NTM: variants seen among roughly 807,000 people sequenced by gnomAD.
NTM encodes the protein neurotrimin.
NTM carries 13 observed loss-of-function variants against 42.1 expected under a neutral mutation model. The ratio of observed to expected loss-of-function variants is 0.31; its 90% confidence interval spans 0.20 to 0.49. The LOEUF (loss-of-function observed/expected upper bound fraction) is 0.49. Among genes scored for constraint, NTM ranks in the 20% least tolerant of loss-of-function variants. NTM has a pLI of 0.99. For synonymous variants in NTM, 187 were observed against 179.2 expected (o/e 1.04, Z -0.35); for missense variants, 373 against 452.8 (o/e 0.82, Z 1.60).
At chr11:131,454,944 A>G (rs76921971) in intron 1 of NTM, among the ~76,000 whole-genome samples, 4,925 of 152,020 alleles carry the variant, frequency 0.032, 104 homozygotes, top group Non-Finnish European at 0.045. Context: ...CAGAGGAGAA[A>G]GGGGTTCTAT....
chr11:131,544,226 TAAA>T (rs2053635423), intron 1 of NTM, among the ~76,000 whole-genome samples: 1 of 152,184 alleles, frequency 6.6e-6, no homozygotes, highest in African/African-American at 2.4e-5. Flanking sequence ...TTTTCTTATT[TAAA>T]AAATATTTTT....
intron 1 of NTM, among the ~76,000 whole-genome samples, chr11:131,904,628 G>A (rs1177452456): frequency 2.0e-5 from 3 of 152,216 alleles, no homozygotes; most frequent in Non-Finnish European, 2.9e-5. Context: ...GCACCTTGGA[G>A]CAATGAAGGG....
intron 2 of NTM, among the ~76,000 whole-genome samples, chr11:131,972,103 C>T (rs2063645552): frequency 6.8e-6 from 1 of 147,524 alleles, no homozygotes; most frequent in African/African-American, 2.5e-5. Flanking sequence ...GTCCTAGCTA[C>T]TTGGGAGGCT....
intron 1 of NTM, among the ~76,000 whole-genome samples, chr11:131,412,272 T>C (rs1281446067): frequency 6.6e-6 from 1 of 152,156 alleles, no homozygotes; most frequent in African/African-American, 2.4e-5. Context: ...CTCAGCAGGT[T>C]AGGACCTGTG....
chr11:131,838,752 G>C (rs765888027), intron 1 of NTM, among the ~76,000 whole-genome samples: 3 of 152,044 alleles, frequency 2.0e-5, no homozygotes, highest in African/African-American at 7.2e-5. Flanking sequence ...GAAAAGAATA[G>C]AATATAAACT....
At chr11:131,457,808 A>G (rs1273617052) in intron 1 of NTM, among the ~76,000 whole-genome samples, 1 of 152,126 alleles carries the variant, frequency 6.6e-6, no homozygotes, top group Non-Finnish European at 1.5e-5. Context: ...TAGTTTATGA[A>G]GATGGAGACC....
intron 2 of NTM, among the ~76,000 whole-genome samples, chr11:132,039,676 G>A (rs534167127): frequency 6.6e-6 from 1 of 152,090 alleles, no homozygotes; most frequent in Non-Finnish European, 1.5e-5. Context: ...TGGGCAGAGA[G>A]GCCCAAAGGG....
At chr11:131,572,978 G>A (rs1027456324) in intron 1 of NTM, among the ~76,000 whole-genome samples, 1 of 152,160 alleles carries the variant, frequency 6.6e-6, no homozygotes, top group Non-Finnish European at 1.5e-5. Flanking sequence ...AGCCTCCAGA[G>A]CCAGCATAAG....
rs181284585 is a variant in NTM at position 132,172,493 on chromosome 11, G to T, written c.400+25979G>T. ...AGGATGTGGGGGAAATGCATTCAGT[G>T]GCTGGAAATCACCCTCACTTGAAAT... On this transcript the variant is annotated intron_variant, in intron 3 of 8. Coordinates refer to ENST00000683400, the MANE Select transcript of NTM (RefSeq NM_001352005.2). 4.8e-3 allele frequency among the ~76,000 whole-genome samples: 728 copies of T among 152,278 alleles called. 8 individuals are homozygous for T. The highest frequency in any genetic ancestry group is 0.017 in the African/African-American group (706 of 41,556).
At chr11:131,445,828 A>G (rs1394975140) in intron 1 of NTM, among the ~76,000 whole-genome samples, 1 of 152,192 alleles carries the variant, frequency 6.6e-6, no homozygotes, top group African/African-American at 2.4e-5. Context: ...AGCAAAACCC[A>G]CCGGTCAAAT....
intron 2 of NTM, among the ~76,000 whole-genome samples, chr11:131,948,128 G>A (rs371315626): frequency 8.6e-5 from 13 of 152,028 alleles, no homozygotes; most frequent in African/African-American, 2.4e-4. Flanking sequence ...TTGGGAGGCC[G>A]AGGTGGGCTG....
At chr11:131,456,450 TC>T (rs1565519666) in intron 1 of NTM, among the ~76,000 whole-genome samples, 1 of 152,064 alleles carries the variant, frequency 6.6e-6, no homozygotes, top group East Asian at 1.9e-4. Flanking sequence ...GGGACTGCCC[TC>T]CCTCCTTCGT....
chr11:131,557,330 C>T (rs2055578217), intron 1 of NTM, among the ~76,000 whole-genome samples: 1 of 152,110 alleles, frequency 6.6e-6, no homozygotes, highest in South Asian at 2.1e-4. Context: ...CCTTCACCTC[C>T]ACCTGATCAT....
chr11:131,532,901 T>A (rs1226073978), intron 1 of NTM, among the ~76,000 whole-genome samples: 1 of 152,180 alleles, frequency 6.6e-6, no homozygotes, highest in Non-Finnish European at 1.5e-5. Context: ...AGTCCTTTCC[T>A]CTTTTTTAAG....
chr11:131,634,490 C>A (rs893083948), intron 1 of NTM, among the ~76,000 whole-genome samples: 2 of 152,068 alleles, frequency 1.3e-5, no homozygotes, highest in Non-Finnish European at 2.9e-5. Context: ...ACTAGCTTCT[C>A]CATGACGCTA....
At chr11:131,978,314 A>AT (rs2064718784) in intron 2 of NTM, among the ~76,000 whole-genome samples, 1 of 152,122 alleles carries the variant, frequency 6.6e-6, no homozygotes, top group African/African-American at 2.4e-5. Context: ...TTTATTACAT[A>AT]TTTTTCTTTA....
At chr11:131,612,406 T>C (rs1348751944) in intron 1 of NTM, among the ~76,000 whole-genome samples, 1 of 152,218 alleles carries the variant, frequency 6.6e-6, no homozygotes. Context: ...CAAAATGTAC[T>C]AGAACTGTGG....
At chr11:131,928,301 T>C (rs2058186019) in intron 2 of NTM, among the ~76,000 whole-genome samples, 1 of 152,216 alleles carries the variant, frequency 6.6e-6, no homozygotes, top group South Asian at 2.1e-4. Flanking sequence ...AGACAAGATA[T>C]AAATTCTTAA....
intron 2 of NTM, among the ~76,000 whole-genome samples, chr11:132,048,818 C>CTTT (rs10563617): frequency 3.0e-5 from 4 of 133,002 alleles, no homozygotes; most frequent in East Asian, 2.3e-4. Flanking sequence ...TTTCTTTTTT[C>CTTT]TTTTTTTTTT....
Sources: allele counts gnomAD v4.1 joint callset (sites outside exome capture counted in the v4.1 genomes callset), GRCh38; gene constraint gnomAD v4.1.1; transcripts MANE v1.5; gene names NCBI Gene and HGNC (gene_info 2026-07-23, HGNC 2026-07-21).